Variants in TAB2 observed in about 807,000 individuals in gnomAD.
TAB2 encodes the protein TGF-beta-activated kinase 1 and MAP3K7-binding protein 2.
In TAB2, 3 loss-of-function variants were observed where a neutral mutation model predicts 65.0. The ratio of observed to expected loss-of-function variants is 0.05; its 90% CI spans 0.02 to 0.12. The LOEUF (loss-of-function observed/expected upper bound fraction) is 0.12. TAB2 is among the 10% of genes least tolerant of loss of function. The pLI, the probability that TAB2 is intolerant of heterozygous loss-of-function variation, is 1.00. For missense variants in TAB2, 623 were observed against 840.3 expected, an observed-to-expected ratio of 0.74 and a Z score of 3.20; for synonymous variants, 298 against 285.1, an observed-to-expected ratio of 1.05 and a Z score of -0.46.
chr6:149,298,003 AC>A (rs1778907042), intron 1 of TAB2, among the ~76,000 whole-genome samples: 1 of 152,204 alleles, frequency 6.6e-6, no homozygotes, highest in East Asian at 1.9e-4. Context: ...AATTCTGAAA[AC>A]AATTACTTTA....
chr6:149,362,092 A>G (rs978685771), intron 1 of TAB2, among the ~76,000 whole-genome samples: 1 of 152,238 alleles, frequency 6.6e-6, no homozygotes, highest in Admixed American at 6.5e-5. Flanking sequence ...GAGTCCTGCA[A>G]ACTCTTCTAA....
chr6:149,257,132 T>C (rs891337065), intron 1 of TAB2, among the ~76,000 whole-genome samples: 2 of 152,220 alleles, frequency 1.3e-5, no homozygotes, highest in Admixed American at 6.5e-5. Flanking sequence ...TTAGTGAAGA[T>C]TGAATCTTCC....
At chr6:149,402,631 G>A (rs1048624559) in intron 6 of TAB2, among the ~76,000 whole-genome samples, 6 of 152,134 alleles carry the variant, frequency 3.9e-5, no homozygotes, top group Admixed American at 1.3e-4. Context: ...CTCATTCTGA[G>A]GCCAGCCTCA....
chr6:149,365,600 T>G (rs1016408703), intron 1 of TAB2, among the ~76,000 whole-genome samples: 1 of 152,128 alleles, frequency 6.6e-6, no homozygotes, highest in Non-Finnish European at 1.5e-5. Flanking sequence ...CTATGTGTAG[T>G]CTTTGTTTTT....
chr6:149,228,942 A>C (rs1304470620), intron 1 of TAB2, among the ~76,000 whole-genome samples: 1 of 152,234 alleles, frequency 6.6e-6, no homozygotes, highest in Non-Finnish European at 1.5e-5. Flanking sequence ...AGATGCTGAA[A>C]GCATTCTCTG....
Position 149,244,248 on chromosome 6 carries a change from A to T in TAB2, c.-121+25472A>T, listed in dbSNP as rs1777656587. The T allele has an allele frequency of 2.0e-5, 3 of 152,228 alleles. No individual in the cohort carries two copies. In the South Asian group the frequency reaches 6.2e-4, roughly 32 times the overall value. The allele number at this position is 152,228 out of a possible 1,614,324, so 9.4% of individuals were successfully genotyped here. Reference sequence around the variant, plus strand: ...TTCTATCCTTCCTTCCACCCCTTCAACTGAGCCTCTACTACATGCTGGGCA... The same window carrying T: ...TTCTATCCTTCCTTCCACCCCTTCATCTGAGCCTCTACTACATGCTGGGCA... On this transcript the variant is annotated intron_variant, in intron 1 of 1. Transcript: ENST00000606202.
intron 1 of TAB2, among the ~76,000 whole-genome samples, chr6:149,349,116 G>A (rs985922657): frequency 1.3e-5 from 2 of 152,012 alleles, no homozygotes; most frequent in Non-Finnish European, 2.9e-5. Flanking sequence ...ATTGCAGCTT[G>A]TGAGTTATTG....
rs570299226 is a variant in TAB2, at chr6:149,382,943, A to G, written c.1603+3425A>G. Among the ~76,000 whole-genome samples the G allele has an allele frequency of 3.3e-5, 5 of 152,256 alleles. No individual in the cohort carries two copies. In the South Asian group the frequency reaches 1.0e-3, roughly 32 times the overall value. ...CCGAGGCGGGTGGATCACAAGGTCAAAAGATCAAGACCATGCTGGCCAACA... is the reference window on the plus strand; with the variant it reads ...CCGAGGCGGGTGGATCACAAGGTCAGAAGATCAAGACCATGCTGGCCAACA... On this transcript the variant is annotated intron_variant, in intron 3 of 6. Transcript: ENST00000637181.
At chr6:149,373,280 C>CT (rs1562439851) in intron 2 of TAB2, among the ~76,000 whole-genome samples, 1 of 152,166 alleles carries the variant, frequency 6.6e-6, no homozygotes, top group East Asian at 1.9e-4. Flanking sequence ...TTTAAATTCT[C>CT]TTAACATGAC....
At chr6:149,367,535 A>G (rs761454509) in intron 1 of TAB2, among the ~76,000 whole-genome samples, 11 of 152,158 alleles carry the variant, frequency 7.2e-5, no homozygotes, top group Non-Finnish European at 1.5e-4. Context: ...CATTTTGAAC[A>G]GGGAAAGTGA....
chr6:149,253,948 GAA>G (rs1562389160), intron 1 of TAB2, among the ~76,000 whole-genome samples: 65 of 96,842 alleles, frequency 6.7e-4, no homozygotes, highest in African/African-American at 1.9e-3. Flanking sequence ...GAAAGAGAAA[GAA>G]AGAAAGAAAA....
intron 3 of TAB2, among the ~76,000 whole-genome samples, chr6:149,395,836 T>C (rs922814345): frequency 1.3e-5 from 2 of 152,210 alleles, no homozygotes; most frequent in Admixed American, 1.3e-4. Context: ...TTGTTGGAAA[T>C]ACCTTTATTC....
intron 1 of TAB2, among the ~76,000 whole-genome samples, chr6:149,312,079 C>T (rs554853664): frequency 3.3e-5 from 5 of 152,270 alleles, no homozygotes; most frequent in East Asian, 3.9e-4. Context: ...CTAGTCCTGG[C>T]GCAAAGGGTA....
intron 1 of TAB2, among the ~76,000 whole-genome samples, chr6:149,357,421 GA>G (rs1244546884): frequency 8.3e-5 from 9 of 108,446 alleles, no homozygotes; most frequent in African/African-American, 1.6e-4. Context: ...GTCTCAAGGA[GA>G]AAAAAAAAAC....
intron 3 of TAB2, among the ~76,000 whole-genome samples, chr6:149,394,783 TGATA>T (rs1045202955): frequency 6.6e-6 from 1 of 152,248 alleles, no homozygotes; most frequent in Non-Finnish European, 1.5e-5. Flanking sequence ...GTCTGTGCTA[TGATA>T]GATCCCCATT....
intron 1 of TAB2, among the ~76,000 whole-genome samples, chr6:149,361,215 T>C (rs923103559): frequency 2.6e-5 from 4 of 152,216 alleles, no homozygotes. Flanking sequence ...AGAGGTTTTT[T>C]TGTGAGGGCT....
At chr6:149,380,933 A>G (rs1481454396) in intron 3 of TAB2, among the ~76,000 whole-genome samples, 1 of 152,158 alleles carries the variant, frequency 6.6e-6, no homozygotes, top group Non-Finnish European at 1.5e-5. Flanking sequence ...TTCGAATTCC[A>G]GTATCATTCA....
upstream of TAB2, among the ~76,000 whole-genome samples, chr6:149,315,348 ATCTCT>A (rs1201261577): frequency 1.3e-5 from 2 of 152,304 alleles, no homozygotes; most frequent in Non-Finnish European, 2.9e-5. Context: ...AATTGTATCA[ATCTCT>A]TCTTTCTGTA....
At chr6:149,399,332 C>A in intron 6 of TAB2, 148 bp downstream of exon 6, 1 of 676,076 alleles carries the variant, frequency 1.5e-6, no homozygotes, top group Non-Finnish European at 2.6e-6. Context: ...TGCTTATTTT[C>A]ATTTACATGC....
Sources: gnomAD v4.1 joint callset for allele counts (sites outside exome capture counted in the v4.1 genomes callset) on GRCh38, gnomAD v4.1.1 for gene constraint, MANE v1.5 for transcripts, NCBI Gene and HGNC (gene_info 2026-07-23, HGNC 2026-07-21) for gene names.